Variants in PVR observed in about 807,000 individuals in gnomAD.
PVR encodes poliovirus receptor.
PVR carries 39 observed loss-of-function variants against 43.3 expected under a neutral mutation model. The ratio of observed to expected loss-of-function variants is 0.90; its 90% CI spans 0.70 to 1.18. The LOEUF (loss-of-function observed/expected upper bound fraction) is 1.18. Among genes scored for constraint, PVR ranks in the 50% most tolerant of loss-of-function variants. The pLI, the probability that PVR is intolerant of heterozygous loss-of-function variation, is 0.00. For synonymous variants in PVR, 224 were observed against 233.2 expected (o/e 0.96, Z 0.36); for missense variants, 480 against 549.7 (o/e 0.87, Z 1.27).
rs981574951 is a variant in PVR, at chr19:44,665,086, T to C, written c.*3275T>C. The C allele has an allele frequency of 6.6e-6, 1 of 152,020 alleles. No homozygotes were observed. Among genetic ancestry groups the C allele is most frequent in the African/African-American group, 2.4e-5 (1 of 41,392 alleles). The allele number at this position is 152,020 out of a possible 1,614,324, so 9.4% of individuals were successfully genotyped here. ...CAGGAATGGAGAGTGGGCCCAGAATTTTGGTATAGGTGTTGTATAAACTTA... is the reference window on the plus strand; with the variant it reads ...CAGGAATGGAGAGTGGGCCCAGAATCTTGGTATAGGTGTTGTATAAACTTA... On this transcript the variant is annotated 3_prime_UTR_variant, in exon 8 of 8. Coordinates refer to ENST00000425690, the MANE Select transcript of PVR (RefSeq NM_006505.5).
chr19:44,643,915 C>T lies in PVR; in HGVS notation c.-182C>T, dbSNP rs1226287517. The T allele has an allele frequency of 3.8e-6, 2 of 533,234 alleles. No individual in the cohort carries two copies. The highest frequency in any genetic ancestry group is 3.6e-5 in the East Asian group (1 of 27,904). 33.0% of individuals were successfully genotyped at this position (533,234 alleles called of 1,614,324 possible). ...CGCCAACTCCCCTCCGCTCCAGTCA[C>T]TTGTCTGGAGCTTGAAGAAGTGGGT... On this transcript the variant is annotated 5_prime_UTR_variant, in exon 1 of 8. Coordinates refer to ENST00000425690, the MANE Select transcript of PVR (RefSeq NM_006505.5).
rs1382585475 is a variant in PVR, at chr19:44,647,357, T to C, written c.214T>C (p.Ser72Pro). 6.2e-7 allele frequency: 1 copy of C among 1,613,716 alleles called. No individual in the cohort carries two copies. The highest frequency in any genetic ancestry group is 8.5e-7 in the Non-Finnish European group (1 of 1,179,928). Residue 72 changes from serine to proline, a missense_variant, in exon 2 of 8, where the codon TCT becomes CCT. Coordinates refer to ENST00000425690, the MANE Select transcript of PVR (RefSeq NM_006505.5). ...SQLTWARHGESGSMAVFHQTQ... is the reference protein window; with the variant it reads ...SQLTWARHGEPGSMAVFHQTQ... ...GCTGACTTGGGCGCGGCATGGTGAA[T>C]CTGGCAGCATGGCCGTCTTCCACCA...
rs1316249096 is a variant in PVR, at chr19:44,665,090, G to A, written c.*3279G>A. On this transcript the variant is annotated 3_prime_UTR_variant, in exon 8 of 8. Coordinates refer to ENST00000425690, the MANE Select transcript of PVR (RefSeq NM_006505.5). ...AATGGAGAGTGGGCCCAGAATTTTG[G>A]TATAGGTGTTGTATAAACTTATAGT... The A allele has an allele frequency of 6.6e-6, 1 of 152,134 alleles. No individual in the cohort carries two copies. The highest frequency in any genetic ancestry group is 2.4e-5 in the African/African-American group (1 of 41,410). 9.4% of individuals were successfully genotyped at this position (152,134 alleles called of 1,614,324 possible).
chr19:44,654,831 G>A (rs771542309), intron 4 of PVR, among the ~76,000 whole-genome samples: 6 of 151,902 alleles, frequency 3.9e-5, no homozygotes, highest in Non-Finnish European at 8.8e-5. Flanking sequence ...AATGTGGCCC[G>A]GGGAAGCCAA....
In PVR at chr19:44,647,300, G is replaced by T. The variant is rs1467275357; in HGVS notation, c.157G>T (p.Val53Leu). Reference protein sequence around the residue: ...DSVTLPCYLQVPNMEVTHVSQ... With the variant: ...DSVTLPCYLQLPNMEVTHVSQ... ...CGTGACGCTGCCCTGCTACCTACAGGTGCCCAACATGGAGGTGACGCATGT... is the reference window on the plus strand; with the variant it reads ...CGTGACGCTGCCCTGCTACCTACAGTTGCCCAACATGGAGGTGACGCATGT... The change falls in exon 2 of 8, where the codon GTG becomes TTG. Residue 53 changes from valine (V) to leucine (L), a missense_variant. Coordinates refer to ENST00000425690, the MANE Select transcript of PVR (RefSeq NM_006505.5). The T allele has an allele frequency of 1.9e-6, 3 of 1,599,520 alleles. No homozygotes were observed. Among genetic ancestry groups the T allele is most frequent in the Non-Finnish European group, 2.6e-6 (3 of 1,173,298 alleles).
At chr19:44,653,853 C>A in intron 3 of PVR, 47 bp from the exon 4 acceptor site, 1 of 1,343,524 alleles carries the variant, frequency 7.4e-7, no homozygotes, top group Non-Finnish European at 1.1e-6. Context: ...AGCCCCAGGC[C>A]CCCCAAAGCC....
At chr19:44,660,584 G>A (rs1973566485) in intron 6 of PVR, among the ~76,000 whole-genome samples, 1 of 152,100 alleles carries the variant, frequency 6.6e-6, no homozygotes, top group African/African-American at 2.4e-5. Flanking sequence ...GTGCAGTGAT[G>A]TGATCTTGGC....
intron 3 of PVR, among the ~76,000 whole-genome samples, chr19:44,650,804 C>G (rs537041059): frequency 6.6e-6 from 1 of 152,042 alleles, no homozygotes; most frequent in Admixed American, 6.6e-5. Context: ...CTCAGGTGAT[C>G]GGCCTGCCTC....
At chr19:44,657,086 G>A (rs1346335123) in intron 4 of PVR, among the ~76,000 whole-genome samples, 1 of 152,176 alleles carries the variant, frequency 6.6e-6, no homozygotes, top group Non-Finnish European at 1.5e-5. Context: ...GCAGAGGCCT[G>A]AAGGAGATGA....
chr19:44,644,365 G>A (rs970651728), intron 1 of PVR, among the ~76,000 whole-genome samples, 190 bp downstream of exon 1: 3 of 152,176 alleles, frequency 2.0e-5, no homozygotes, highest in Non-Finnish European at 4.4e-5. Flanking sequence ...TTGGCCACCC[G>A]GAGAGCGGTC....
intron 4 of PVR, among the ~76,000 whole-genome samples, chr19:44,656,003 G>A (rs1324646992): frequency 6.6e-6 from 1 of 151,246 alleles, no homozygotes; most frequent in African/African-American, 2.4e-5. Flanking sequence ...CCAGATAGCT[G>A]GGACTACAGG....
chr19:44,648,750 G>T (rs1265643500), intron 2 of PVR, among the ~76,000 whole-genome samples: 1 of 152,144 alleles, frequency 6.6e-6, no homozygotes, highest in African/African-American at 2.4e-5. Flanking sequence ...AATGTCAAGG[G>T]CTTGGAACTG....
At chr19:44,653,771 C>T (rs762915086) in intron 3 of PVR, 129 bp from the exon 4 acceptor site, 4 of 705,948 alleles carry the variant, frequency 5.7e-6, no homozygotes, top group East Asian at 2.5e-5. Context: ...TAGACTCCTC[C>T]TAGGCCTCTC....
intron 1 of PVR, among the ~76,000 whole-genome samples, chr19:44,646,820 C>T (rs648195): frequency 6.6e-6 from 1 of 152,104 alleles, no homozygotes; most frequent in Non-Finnish European, 1.5e-5. Context: ...ATAGTAGTAA[C>T]GGTTGCACAA....
rs1568509766 is a variant in PVR at position 44,664,455 on chromosome 19, C to T, written c.*2644C>T. On this transcript the variant is annotated 3_prime_UTR_variant, in exon 8 of 8. Transcript: ENST00000425690. The stretch of plus-strand genomic sequence containing the variant: ...CTGGAACTCCTGGGCTCAAGTGCTC[C>T]TCCTGCCTTGGCCTCCCAAAGCGCT... 1 of 152,202 alleles carries T rather than the reference C, an allele frequency of 6.6e-6. No homozygotes were observed. The highest frequency in any genetic ancestry group is 1.5e-5 in the Non-Finnish European group (1 of 68,084). 9.4% of individuals were successfully genotyped at this position (152,202 alleles called of 1,614,324 possible). A position where few individuals can be genotyped will look rare whatever the true frequency, so the allele number is the denominator to read the frequency against.
At position 44,663,522 on chromosome 19, in the gene PVR, G is replaced by C. The variant is rs115224298; in HGVS notation, c.*1711G>C. 6.6e-6 allele frequency: 1 copy of C among 152,164 alleles called. No homozygotes were observed. Among genetic ancestry groups the C allele is most frequent in the African/African-American group, 2.4e-5 (1 of 41,412 alleles). 9.4% of individuals were successfully genotyped at this position (152,164 alleles called of 1,614,324 possible). A position where few individuals can be genotyped will look rare whatever the true frequency, so the allele number is the denominator to read the frequency against. ...GGAACATTGGTTGCTTTGGTGGCAC[G>C]TAAGCTCCTTGTCTGTCTCCAGCAC... On this transcript the variant is annotated 3_prime_UTR_variant, in exon 8 of 8. Transcript: ENST00000425690.
intron 1 of PVR, among the ~76,000 whole-genome samples, chr19:44,645,513 G>C (rs913743553): frequency 9.6e-5 from 14 of 146,128 alleles, no homozygotes; most frequent in African/African-American, 3.6e-4. Flanking sequence ...GCCCAGGCTG[G>C]AGTGCAGTGG....
At chr19:44,657,952 G>C (rs764236756) in intron 5 of PVR, 42 bp downstream of exon 5, 2 of 1,602,616 alleles carry the variant, frequency 1.2e-6, no homozygotes, top group Admixed American at 3.5e-5. Flanking sequence ...ACCAAAGGAA[G>C]AGGTCGAGGC....
At position 44,661,333 on chromosome 19, in the gene PVR, G is replaced by A; in HGVS notation, c.1182+10G>A. On this transcript the variant is annotated intron_variant, in intron 7 of 7. Coordinates refer to ENST00000425690, the MANE Select transcript of PVR (RefSeq NM_006505.5). ...CGCCTCAGCTAATGGGGTAAGTGCAGTGTTGGAGCTAAGGAGGGTGTGGGG... is the reference window on the plus strand; with the variant it reads ...CGCCTCAGCTAATGGGGTAAGTGCAATGTTGGAGCTAAGGAGGGTGTGGGG... 1 of 1,613,770 alleles carries A rather than the reference G, an allele frequency of 6.2e-7. No homozygotes were observed. Among genetic ancestry groups the A allele is most frequent in the Admixed American group, 1.7e-5 (1 of 60,024 alleles).
Sources: gnomAD v4.1 joint callset for allele counts (sites outside exome capture counted in the v4.1 genomes callset) on GRCh38, gnomAD v4.1.1 for gene constraint, MANE v1.5 for transcripts, NCBI Gene and HGNC (gene_info 2026-07-23, HGNC 2026-07-21) for gene names.